Variants in AGBL4 observed in about 807,000 individuals in gnomAD.
The protein encoded by AGBL4 is AGBL carboxypeptidase 4, also known as cytosolic carboxypeptidase 6.
AGBL4 carries 58 observed loss-of-function variants against 66.4 expected under a neutral mutation model. The observed-to-expected ratio is 0.87, with a 90% CI of 0.71 to 1.09. AGBL4 has a LOEUF of 1.09. AGBL4 is among the 50% of genes least tolerant of loss of function. AGBL4 has a pLI of 0.00. For missense variants in AGBL4, 579 were observed against 631.0 expected, an observed-to-expected ratio of 0.92 and a Z score of 0.88; for synonymous variants, 234 against 222.9, an observed-to-expected ratio of 1.05 and a Z score of -0.44.
At chr1:49,259,087 C>T (rs374692532) in intron 3 of AGBL4, among the ~76,000 whole-genome samples, 249 of 151,920 alleles carry the variant, frequency 1.6e-3, no homozygotes, top group Non-Finnish European at 2.7e-3. Context: ...AATAAAATAC[C>T]TTACAGACAA....
At chr1:49,467,316 GA>G (rs1361277156) in intron 3 of AGBL4, among the ~76,000 whole-genome samples, 15 of 151,884 alleles carry the variant, frequency 9.9e-5, no homozygotes, top group African/African-American at 3.1e-4. Flanking sequence ...GGTTAGACAT[GA>G]AAGATCAAAT....
At chr1:49,645,951 A>G (rs1347960301) in intron 3 of AGBL4, among the ~76,000 whole-genome samples, 2 of 151,682 alleles carry the variant, frequency 1.3e-5, no homozygotes, top group Non-Finnish European at 3.0e-5. Context: ...AAATGCAGAA[A>G]AAGCATTTGC....
intron 3 of AGBL4, among the ~76,000 whole-genome samples, chr1:49,643,927 A>G (rs1363092372): frequency 6.6e-6 from 1 of 151,706 alleles, no homozygotes; most frequent in East Asian, 1.9e-4. Context: ...TGATAAATAT[A>G]AAAGACTTTT....
chr1:48,880,136 C>G (rs531469483), intron 5 of AGBL4, among the ~76,000 whole-genome samples: 8 of 152,224 alleles, frequency 5.3e-5, no homozygotes, highest in Middle Eastern at 6.8e-3. Context: ...TTCCCCCTGA[C>G]TCTCCAAAGT....
At chr1:49,790,712 A>G (rs972783224) in intron 2 of AGBL4, among the ~76,000 whole-genome samples, 1 of 152,192 alleles carries the variant, frequency 6.6e-6, no homozygotes, top group Non-Finnish European at 1.5e-5. Context: ...ATAAGCAAAA[A>G]CAGAGGGGAT....
rs1283492500 is a variant in AGBL4, at chr1:49,245,741, G to A, written c.377+29C>T. 4 of 1,505,934 alleles carry A rather than the reference G, an allele frequency of 2.7e-6. No individual in the cohort carries two copies. The African/African-American group carries it at 5.6e-5, about 21-fold the overall frequency. 93.3% of individuals were successfully genotyped at this position (1,505,934 alleles called of 1,614,324 possible). ...GGTCTGGGACAAATTTTCTAACCAG[G>A]AAGGGGTCCCATTCTGTAGATCACT... On this transcript the variant is annotated intron_variant, in intron 4 of 13. Transcript: ENST00000371839.
chr1:49,634,219 C>T (rs1037142755), intron 3 of AGBL4, among the ~76,000 whole-genome samples: 5 of 152,078 alleles, frequency 3.3e-5, no homozygotes, highest in African/African-American at 1.2e-4. Flanking sequence ...CCACTAGCCC[C>T]CCAACCCTGA....
chr1:48,761,683 C>T (rs1395096766), intron 6 of AGBL4, among the ~76,000 whole-genome samples: 3 of 152,184 alleles, frequency 2.0e-5, no homozygotes, highest in African/African-American at 7.2e-5. Flanking sequence ...AAAGCACTGT[C>T]ATACAAAGTG....
At chr1:49,424,987 A>C (rs1396327170) in intron 3 of AGBL4, among the ~76,000 whole-genome samples, 4 of 152,190 alleles carry the variant, frequency 2.6e-5, no homozygotes, top group African/African-American at 7.2e-5. Flanking sequence ...CTGATGAGTC[A>C]ACTTTACTCT....
chr1:49,781,563 A>G (rs181017712), intron 2 of AGBL4, among the ~76,000 whole-genome samples: 14 of 152,174 alleles, frequency 9.2e-5, no homozygotes, highest in Non-Finnish European at 1.8e-4. Context: ...GGACTGCAAT[A>G]CGCCATTTTC....
At chr1:49,928,257 A>G (rs558874861) in intron 1 of AGBL4, among the ~76,000 whole-genome samples, 1 of 151,948 alleles carries the variant, frequency 6.6e-6, no homozygotes, top group East Asian at 1.9e-4. Flanking sequence ...TTTTATTTTT[A>G]TTTTTATTTT....
Position 48,623,381 on chromosome 1 carries a change from T to C in AGBL4, c.951+11112A>G, listed in dbSNP as rs553114611. Among the ~76,000 whole-genome samples the C allele has an allele frequency of 2.6e-5, 4 of 152,298 alleles. No homozygotes were observed. The East Asian group carries it at 7.7e-4, about 29-fold the overall frequency. On this transcript the variant is annotated intron_variant, in intron 9 of 13. Coordinates refer to ENST00000371839, the MANE Select transcript of AGBL4 (RefSeq NM_032785.4). ...CCCACAGTCAGACACATGGGACCAG[T>C]ACAGGAGTTGGGAGATGGGCATTAG... is the stretch of plus-strand genomic sequence containing the variant.
chr1:49,842,508 A>G, intron 2 of AGBL4: 2 of 986,658 alleles, frequency 2.0e-6, no homozygotes, highest in Non-Finnish European at 2.4e-6. Context: ...AATTCTTCAC[A>G]GCAAATTTAC....
intron 4 of AGBL4, among the ~76,000 whole-genome samples, chr1:49,142,036 C>T (rs1380935084): frequency 6.6e-6 from 1 of 152,130 alleles, no homozygotes; most frequent in Non-Finnish European, 1.5e-5. Context: ...TGAGCTCCAC[C>T]TCCTGTCAGA....
intron 2 of AGBL4, among the ~76,000 whole-genome samples, chr1:49,801,652 CT>C (rs1270774097): frequency 1.2e-4 from 18 of 152,300 alleles, no homozygotes; most frequent in Admixed American, 1.2e-3. Flanking sequence ...CCTACAGGTT[CT>C]TCACTGTTTG....
intron 6 of AGBL4, among the ~76,000 whole-genome samples, chr1:48,692,600 T>C (rs1202796814): frequency 2.0e-5 from 3 of 152,194 alleles, no homozygotes; most frequent in Non-Finnish European, 4.4e-5. Context: ...ATCCAAATCC[T>C]GATTCTATCC....
At chr1:49,351,696 C>G (rs991445634) in intron 3 of AGBL4, among the ~76,000 whole-genome samples, 1 of 152,114 alleles carries the variant, frequency 6.6e-6, no homozygotes, top group African/African-American at 2.4e-5. Context: ...ATTATTCCCT[C>G]TTATCCACAG....
intron 1 of AGBL4, among the ~76,000 whole-genome samples, chr1:49,953,473 C>G (rs939526726): frequency 6.6e-6 from 1 of 151,822 alleles, no homozygotes; most frequent in African/African-American, 2.4e-5. Context: ...CTCCAAATAA[C>G]TTTAGTAGAA....
intron 2 of AGBL4, among the ~76,000 whole-genome samples, chr1:49,763,838 G>C (rs1014126882): frequency 2.6e-5 from 4 of 152,168 alleles, no homozygotes; most frequent in African/African-American, 9.7e-5. Context: ...GCCCCAACAA[G>C]GGAGGACAGG....
Sources: gnomAD v4.1 joint callset for allele counts (sites outside exome capture counted in the v4.1 genomes callset) on GRCh38, gnomAD v4.1.1 for gene constraint, MANE v1.5 for transcripts, NCBI Gene and HGNC (gene_info 2026-07-23, HGNC 2026-07-21) for gene names.